Variants in ATXN10 observed in about 807,000 individuals in gnomAD.
The protein encoded by ATXN10 is ataxin 10.
Under a neutral mutation model 52.9 loss-of-function variants are expected in ATXN10, and 28 were observed. The ratio of observed to expected loss-of-function variants is 0.53; its 90% CI spans 0.39 to 0.73. The LOEUF (loss-of-function observed/expected upper bound fraction) is 0.73. ATXN10 is among the 30% of genes least tolerant of loss of function. ATXN10 has a pLI of 0.00. For synonymous variants in ATXN10, 226 were observed against 221.5 expected (o/e 1.02, Z -0.18); for missense variants, 565 against 577.0 (o/e 0.98, Z 0.21).
At chr22:45,726,829 G>C (rs556798894) in intron 6 of ATXN10, among the ~76,000 whole-genome samples, 12 of 152,164 alleles carry the variant, frequency 7.9e-5, no homozygotes, top group African/African-American at 2.9e-4. Context: ...CTACAGGCAT[G>C]CACCACCATG....
At chr22:45,704,750 T>C (rs1923974109) in intron 5 of ATXN10, among the ~76,000 whole-genome samples, 2 of 152,174 alleles carry the variant, frequency 1.3e-5, no homozygotes, top group East Asian at 1.9e-4. Flanking sequence ...TTCTTTCCAG[T>C]TGGGTTGCCT....
At chr22:45,694,725 T>G (rs1923522056) in intron 3 of ATXN10, among the ~76,000 whole-genome samples, 1 of 151,474 alleles carries the variant, frequency 6.6e-6, no homozygotes, top group Non-Finnish European at 1.5e-5. Flanking sequence ...GAGGTTGTAG[T>G]GAGCCGAGAT....
In ATXN10 at chr22:45,740,566, A is replaced by G. The variant is rs747669665; in HGVS notation, c.1173+28A>G. 8 of 1,602,370 alleles carry G rather than the reference A, an allele frequency of 5.0e-6. No homozygotes were observed. In the African/African-American group the frequency reaches 8.0e-5, roughly 16 times the overall value. The stretch of plus-strand genomic sequence containing the variant: ...AAGAGGATTTCTTAGTATGTATTAT[A>G]CATGTATGGCTTCATTTAGAATATA... On this transcript the variant is annotated intron_variant, in intron 9 of 11. Coordinates refer to ENST00000252934, the MANE Select transcript of ATXN10 (RefSeq NM_013236.4).
At chr22:45,717,781 T>C (rs1476339707) in intron 5 of ATXN10, among the ~76,000 whole-genome samples, 1 of 152,252 alleles carries the variant, frequency 6.6e-6, no homozygotes, top group East Asian at 1.9e-4. Context: ...TTCTTAAGTC[T>C]TTTCCTCAGA....
chr22:45,806,396 T>C (rs1374401513), intron 9 of ATXN10, among the ~76,000 whole-genome samples: 4 of 152,254 alleles, frequency 2.6e-5, no homozygotes, highest in Non-Finnish European at 5.9e-5. Flanking sequence ...GTATTGTTGG[T>C]GGTGTTTAAA....
rs1345636484 is a variant in ATXN10 at position 45,769,857 on chromosome 22, TAAA to T, written c.1173+29323_1173+29325del. 6.6e-6 allele frequency among the ~76,000 whole-genome samples: 1 copy of T among 152,214 alleles called. No individual in the cohort carries two copies. The highest frequency in any genetic ancestry group is 2.4e-5 in the African/African-American group (1 of 41,450). ...AAAACTCTTAAGAGTGTCAGGAAGT[TAAA>T]AAATATAAAAAATTTTCTGATGAAA... On this transcript the variant is annotated intron_variant, in intron 9 of 11. Transcript: ENST00000252934. This position sits in a 1 kb window ranked among gnomAD's most constrained non-coding sequence, Gnocchi z 4.2.
In ATXN10 at chr22:45,819,737, T is replaced by C. The variant is rs757304753; in HGVS notation, c.1237+12715T>C. Among the ~76,000 whole-genome samples the C allele has an allele frequency of 2.6e-5, 4 of 152,240 alleles. No homozygotes were observed. The highest frequency in any genetic ancestry group is 4.8e-5 in the African/African-American group (2 of 41,456). On this transcript the variant is annotated intron_variant, in intron 10 of 11. Transcript: ENST00000252934. This position sits in a 1 kb window ranked among gnomAD's most constrained non-coding sequence, Gnocchi z 4.5. ...ATCATTTAATGTATGTATTTTCTTA[T>C]GAAGTTAATTATTTGCCAATTTTTC... is the stretch of plus-strand genomic sequence containing the variant.
rs1250762397 is a variant in ATXN10, at chr22:45,769,173, T to C, written c.1173+28635T>C. Among the ~76,000 whole-genome samples, 1 of 151,964 alleles carries C rather than the reference T, an allele frequency of 6.6e-6. No individual in the cohort carries two copies. The highest frequency in any genetic ancestry group is 1.5e-5 in the Non-Finnish European group (1 of 67,986). On this transcript the variant is annotated intron_variant, in intron 9 of 11. Transcript: ENST00000252934. The surrounding 1 kb of genome is among the most constrained non-coding windows in gnomAD (Gnocchi z 4.2). ...AAAATGGTTAAAAATTTTTAAAGAG[T>C]TGTTATTGTTGTTGACCCGAGGTTG... is the stretch of plus-strand genomic sequence containing the variant.
At position 45,825,301 on chromosome 22, in the gene ATXN10, A is replaced by G. The variant is rs1234670142; in HGVS notation, c.1238-17690A>G. 6.6e-6 allele frequency among the ~76,000 whole-genome samples: 1 copy of G among 152,218 alleles called. No homozygotes were observed. Among genetic ancestry groups the G allele is most frequent in the African/African-American group, 2.4e-5 (1 of 41,456 alleles). ...TGGCTTTCTGGGTATTTAAAAGGCC[A>G]GCACCCTTTTTCCCTCTTCCCTTTA... On this transcript the variant is annotated intron_variant, in intron 10 of 11. Coordinates refer to ENST00000252934, the MANE Select transcript of ATXN10 (RefSeq NM_013236.4). This position sits in a 1 kb window ranked among gnomAD's most constrained non-coding sequence, Gnocchi z 4.5.
Position 45,784,835 on chromosome 22 carries a change from G to C in ATXN10, c.1174-22124G>C, listed in dbSNP as rs9626445. On this transcript the variant is annotated intron_variant, in intron 9 of 11. Coordinates refer to ENST00000252934, the MANE Select transcript of ATXN10 (RefSeq NM_013236.4). The surrounding 1 kb of genome is among the most constrained non-coding windows in gnomAD (Gnocchi z 4.2). ...TGGGCAAGCTGATCAACAGTTTCCA[G>C]GGCATTATTTATTGATGGCAAGGAG... 6.6e-6 allele frequency among the ~76,000 whole-genome samples: 1 copy of C among 152,136 alleles called. No homozygotes were observed. The highest frequency in any genetic ancestry group is 1.5e-5 in the Non-Finnish European group (1 of 68,026).
At chr22:45,706,101 C>T (rs1027335302) in intron 5 of ATXN10, among the ~76,000 whole-genome samples, 5 of 152,162 alleles carry the variant, frequency 3.3e-5, no homozygotes, top group Non-Finnish European at 7.3e-5. Context: ...AAACCGTCCC[C>T]CCACCCCTGT....
chr22:45,816,396 C>T lies in ATXN10; in HGVS notation c.1237+9374C>T, dbSNP rs535736528. Among the ~76,000 whole-genome samples, 4 of 152,296 alleles carry T rather than the reference C, an allele frequency of 2.6e-5. No individual in the cohort carries two copies. The highest frequency in any genetic ancestry group is 2.0e-4 in the Admixed American group (3 of 15,302). ...TCCTCTCTTTCCTCCTTTTAGACTT[C>T]GGTCATGTATGTCTTCCTCTCAGAG... On this transcript the variant is annotated intron_variant, in intron 10 of 11. Transcript: ENST00000252934. This position sits in a 1 kb window ranked among gnomAD's most constrained non-coding sequence, Gnocchi z 5.8.
At chr22:45,792,003 A>G (rs528588605) in intron 9 of ATXN10, among the ~76,000 whole-genome samples, 1 of 152,258 alleles carries the variant, frequency 6.6e-6, no homozygotes, top group East Asian at 1.9e-4. Flanking sequence ...GGCACAGTTT[A>G]TTTTGGAATT....
At chr22:45,751,753 AATAAAAAAAAAATAATAAT>A (rs1175551353) in intron 9 of ATXN10, among the ~76,000 whole-genome samples, 2 of 96,406 alleles carry the variant, frequency 2.1e-5, no homozygotes, top group Non-Finnish European at 4.5e-5. Context: ...AAAAAAAAAA[AATAAAAAAAAAATAATAAT>A]AATAATAATA....
chr22:45,722,319 G>C (rs1924685251), intron 6 of ATXN10, among the ~76,000 whole-genome samples: 2 of 152,176 alleles, frequency 1.3e-5, no homozygotes, highest in African/African-American at 4.8e-5. Flanking sequence ...CTGGTAGGGA[G>C]ACCCGTATAC....
intron 9 of ATXN10, among the ~76,000 whole-genome samples, chr22:45,746,634 G>T (rs5765600): frequency 1.3e-5 from 2 of 152,022 alleles, no homozygotes; most frequent in African/African-American, 4.8e-5. Context: ...TATATTCTCA[G>T]CCTATACTAG....
chr22:45,817,689 G>A (rs1024546834), intron 10 of ATXN10, among the ~76,000 whole-genome samples: 23 of 151,886 alleles, frequency 1.5e-4, no homozygotes, highest in Admixed American at 4.6e-4. Context: ...ATTTATCTGC[G>A]TAAACCAGAT....
chr22:45,724,164 T>G (rs1472888138), intron 6 of ATXN10, among the ~76,000 whole-genome samples: 1 of 151,856 alleles, frequency 6.6e-6, no homozygotes, highest in Non-Finnish European at 1.5e-5. Flanking sequence ...GCAGGTGTCT[T>G]TTCCTTTGGG....
intron 1 of ATXN10, among the ~76,000 whole-genome samples, chr22:45,685,651 C>A (rs1049341849): frequency 1.3e-5 from 2 of 152,056 alleles, no homozygotes; most frequent in African/African-American, 2.4e-5. Flanking sequence ...TCTGTAATGC[C>A]AAATAGTTTT....
Sources: gnomAD v4.1 joint callset for allele counts (sites outside exome capture counted in the v4.1 genomes callset) on GRCh38, gnomAD v4.1.1 for gene constraint, Gnocchi (gnomAD v3.1) non-coding constraint, MANE v1.5 for transcripts, NCBI Gene and HGNC (gene_info 2026-07-23, HGNC 2026-07-21) for gene names.